Variants in RP1 observed in about 807,000 individuals in gnomAD.
RP1 encodes oxygen-regulated protein 1.
In RP1, 16 loss-of-function variants were observed where a neutral mutation model predicts 14.8. The ratio of observed to expected loss-of-function variants is 1.08; its 90% CI spans 0.73 to 1.65. The LOEUF is 1.65. Ranked by LOEUF, RP1 falls within the 40% of genes most tolerant of loss-of-function variation. The pLI is 0.00. For synonymous variants in RP1, 876 were observed against 883.6 expected (o/e 0.99, Z 0.15); for missense variants, 2,631 against 2,535.0 (o/e 1.04, Z -0.81).
intron 18 of RP1, chr8:54,734,790 CATTT>C: frequency 6.9e-7 from 1 of 1,459,816 alleles, no homozygotes; most frequent in South Asian, 1.3e-5. Context: ...ATTTCAAAGA[CATTT>C]CTGTAATGTA....
At chr8:54,812,484 G>A (rs754765825) in intron 24 of RP1, among the ~76,000 whole-genome samples, 1 of 152,164 alleles carries the variant, frequency 6.6e-6, no homozygotes, top group African/African-American at 2.4e-5. Flanking sequence ...TTCTGTCAGT[G>A]TTTTGGTTCC....
intron 15 of RP1, among the ~76,000 whole-genome samples, chr8:54,712,823 C>T (rs759142770): frequency 7.2e-5 from 11 of 152,094 alleles, no homozygotes; most frequent in African/African-American, 1.7e-4. Flanking sequence ...TACATAACAA[C>T]GAAGCATATT....
At chr8:54,562,580 A>G (rs1000222796) in intron 1 of RP1, among the ~76,000 whole-genome samples, 2 of 152,068 alleles carry the variant, frequency 1.3e-5, no homozygotes, top group African/African-American at 4.8e-5. Context: ...AGGCCGAAGC[A>G]GAAGAATCGA....
intron 24 of RP1, among the ~76,000 whole-genome samples, chr8:54,804,582 A>G (rs1810800970): frequency 6.6e-6 from 1 of 152,232 alleles, no homozygotes; most frequent in African/African-American, 2.4e-5. Flanking sequence ...TTACCTGGCA[A>G]AAAGAAGCAG....
chr8:54,723,571 T>G (rs1345155268), intron 16 of RP1, among the ~76,000 whole-genome samples: 4 of 152,214 alleles, frequency 2.6e-5, no homozygotes, highest in African/African-American at 9.6e-5. Flanking sequence ...TGAGAAAGTG[T>G]GAAAAGATCT....
chr8:54,741,745 A>ATATATGTT (rs1809103434), intron 19 of RP1, among the ~76,000 whole-genome samples: 1 of 137,198 alleles, frequency 7.3e-6, no homozygotes, highest in Admixed American at 7.3e-5. Context: ...ATATATATAT[A>ATATATGTT]TATATGTTTA....
chr8:54,777,986 ATAATCT>A (rs1810083222), intron 23 of RP1, among the ~76,000 whole-genome samples: 1 of 152,234 alleles, frequency 6.6e-6, no homozygotes, highest in Non-Finnish European at 1.5e-5. Context: ...TTGTGCTGAA[ATAATCT>A]TAATAGTATC....
chr8:54,605,689 T>C (rs1327369408), intron 1 of RP1, among the ~76,000 whole-genome samples: 2 of 152,194 alleles, frequency 1.3e-5, no homozygotes, highest in Admixed American at 1.3e-4. Flanking sequence ...TCTTTGCAGG[T>C]CTCTAAGGAC....
chr8:54,675,380 T>C (rs1314707388), intron 8 of RP1, among the ~76,000 whole-genome samples: 1 of 152,124 alleles, frequency 6.6e-6, no homozygotes, highest in Non-Finnish European at 1.5e-5. Context: ...AGTAAAATAC[T>C]CAGAGATAGT....
At chr8:54,654,402 T>C (rs1395683592) in intron 5 of RP1, among the ~76,000 whole-genome samples, 3 of 152,162 alleles carry the variant, frequency 2.0e-5, no homozygotes, top group Non-Finnish European at 2.9e-5. Flanking sequence ...AAATAAAAAG[T>C]TCAAAATGTT....
intron 13 of RP1, chr8:54,699,668 CT>C (rs1652221511): frequency 4.1e-6 from 2 of 491,672 alleles, no homozygotes. Flanking sequence ...TTCCTTTTGG[CT>C]TGTACTAGCA....
intron 24 of RP1, among the ~76,000 whole-genome samples, chr8:54,822,537 A>T (rs1366885325): frequency 6.6e-6 from 1 of 152,262 alleles, no homozygotes; most frequent in African/African-American, 2.4e-5. Flanking sequence ...ATTAAAATTC[A>T]AACTGCACAT....
At position 54,626,712 on chromosome 8, in the gene RP1, G is replaced by A. The variant is rs765037580; in HGVS notation, c.2830G>A (p.Val944Met). The A allele has an allele frequency of 3.3e-5, 53 of 1,613,974 alleles. No individual in the cohort carries two copies. The East Asian group carries it at 8.2e-4, about 25-fold the overall frequency. Residue 944 changes from valine (V) to methionine (M), a missense_variant, in exon 4 of 4, where the codon GTG (valine) becomes ATG (methionine). By Grantham distance (21) the Val-to-Met change is conservative. Transcript: ENST00000220676. ...TCCAGTATGTAGAAATGAAACGAGT[G>A]TGGTAAATTGTAGCAATAATAGTTT... The part of the protein sequence containing the change: ...SAPVCRNETS[V>M]VNCSNNSFSG...
chr8:54,849,098 C>T (rs1034451684), intron 25 of RP1, among the ~76,000 whole-genome samples: 1 of 152,012 alleles, frequency 6.6e-6, no homozygotes, highest in African/African-American at 2.4e-5. Context: ...GCTCTCAGAC[C>T]AGTGACACTA....
chr8:54,847,485 G>T (rs1404890248), intron 25 of RP1, among the ~76,000 whole-genome samples: 1 of 152,250 alleles, frequency 6.6e-6, no homozygotes, highest in African/African-American at 2.4e-5. Context: ...TCTTTTGGCA[G>T]ATGGAATTCC....
At position 54,628,203 on chromosome 8, in the gene RP1, G is replaced by T; in HGVS notation, c.4321G>T (p.Glu1441Ter). 1 of 1,613,966 alleles carries T rather than the reference G, an allele frequency of 6.2e-7. No homozygotes were observed. Among genetic ancestry groups the T allele is most frequent in the South Asian group, 1.1e-5 (1 of 91,068 alleles). Reference sequence around the variant, plus strand: ...TGCATATACTTCCTTTGATATGGAAGAACCACGGACTTCTGAAGAACCAGG... The same window carrying T: ...TGCATATACTTCCTTTGATATGGAATAACCACGGACTTCTGAAGAACCAGG... ...ENAYTSFDME[E>*]PRTSEEPGSI... Residue 1441 changes from glutamate to a stop codon, truncating the protein, a stop_gained, in exon 4 of 4, where the codon GAA (glutamate) becomes TAA (stop). Transcript: ENST00000220676. LOFTEE classifies it low-confidence loss of function (END_TRUNC).
chr8:54,570,968 T>G (rs1804506201), intron 1 of RP1, among the ~76,000 whole-genome samples: 1 of 152,204 alleles, frequency 6.6e-6, no homozygotes, highest in Non-Finnish European at 1.5e-5. Flanking sequence ...TCAGCACTGG[T>G]GGCCTAGGCA....
At chr8:54,693,879 G>A (rs1490962046) in intron 12 of RP1, among the ~76,000 whole-genome samples, 1 of 152,054 alleles carries the variant, frequency 6.6e-6, no homozygotes, top group African/African-American at 2.4e-5. Flanking sequence ...GTGAGACAGG[G>A]CATCCCTGTC....
rs530176497 is a variant in RP1 at position 54,787,737 on chromosome 8, T to A, written c.3615+4027T>A. Among the ~76,000 whole-genome samples, 4 of 152,344 alleles carry A rather than the reference T, an allele frequency of 2.6e-5. No individual in the cohort carries two copies. The East Asian group carries it at 5.8e-4, about 22-fold the overall frequency. ...GTAGATGAAAAGGTTTAATATTTAT[T>A]GTGAACTCCCAGGGCACTTGCCTAA... On this transcript the variant is annotated intron_variant, in intron 24 of 28. Coordinates refer to the RP1 transcript ENST00000637698.
Sources: gnomAD v4.1 joint callset for allele counts (sites outside exome capture counted in the v4.1 genomes callset) on GRCh38, gnomAD v4.1.1 for gene constraint, MANE v1.5 for transcripts, NCBI Gene and HGNC (gene_info 2026-07-23, HGNC 2026-07-21) for gene names.